Variants in PTPRD observed in about 807,000 individuals in gnomAD.
PTPRD encodes protein tyrosine phosphatase receptor type D.
In PTPRD, 34 loss-of-function variants were observed where a neutral mutation model predicts 214.5. That is an observed-to-expected ratio of 0.16 (90% CI 0.12 to 0.21). The LOEUF (loss-of-function observed/expected upper bound fraction) is 0.21. Among genes scored for constraint, PTPRD ranks in the 10% least tolerant of loss-of-function variants. The pLI, the probability that PTPRD is intolerant of heterozygous loss-of-function variation, is 1.00. For synonymous variants in PTPRD, 1,128 were observed against 845.7 expected, an observed-to-expected ratio of 1.33 and a Z score of -5.79; for missense variants, 2,545 against 2,398.7, an observed-to-expected ratio of 1.06 and a Z score of -1.27.
chr9:9,942,502 T>G (rs902040734), intron 4 of PTPRD, among the ~76,000 whole-genome samples: 2 of 152,154 alleles, frequency 1.3e-5, no homozygotes, highest in Non-Finnish European at 2.9e-5. Flanking sequence ...GTAGAATAGA[T>G]TTCTATAAGT....
chr9:8,427,439 G>T (rs2094755758), intron 35 of PTPRD, among the ~76,000 whole-genome samples: 1 of 152,062 alleles, frequency 6.6e-6, no homozygotes, highest in South Asian at 2.1e-4. Flanking sequence ...GTTAGAAATT[G>T]ATCCAGACAC....
chr9:9,493,907 GC>G lies in PTPRD; in HGVS notation c.-237+80824del, dbSNP rs376072408. Among the ~76,000 whole-genome samples, 1,257 of 151,474 alleles carry G rather than the reference GC, an allele frequency of 8.3e-3. 13 individuals are homozygous for G. The highest frequency in any genetic ancestry group is 0.029 in the African/African-American group (1,188 of 41,258). Reference sequence around the variant, plus strand: ...GGATAAAACCTAAACTGAAAACCTTGCAGAAAAAATTTAGATTTTATTCCAA... The same window carrying G: ...GGATAAAACCTAAACTGAAAACCTTGAGAAAAAATTTAGATTTTATTCCAA... On this transcript the variant is annotated intron_variant, in intron 8 of 45. Coordinates refer to ENST00000381196, the MANE Select transcript of PTPRD (RefSeq NM_002839.4).
At chr9:9,324,453 T>C (rs534314100) in intron 9 of PTPRD, among the ~76,000 whole-genome samples, 1 of 152,326 alleles carries the variant, frequency 6.6e-6, no homozygotes, top group Non-Finnish European at 1.5e-5. Context: ...ATGATGAGCA[T>C]TTTTTCATGT....
intron 39 of PTPRD, among the ~76,000 whole-genome samples, chr9:8,371,835 A>G (rs904998140): frequency 2.0e-5 from 3 of 152,074 alleles, no homozygotes; most frequent in African/African-American, 7.2e-5. Flanking sequence ...CCAGATAAAT[A>G]TCTTTGGCTG....
chr9:9,296,396 T>C (rs774459636), intron 9 of PTPRD, among the ~76,000 whole-genome samples: 10 of 151,902 alleles, frequency 6.6e-5, no homozygotes, highest in Non-Finnish European at 1.2e-4. Flanking sequence ...TCCATCATTA[T>C]TTCTCTTTAC....
At chr9:8,715,818 A>C (rs2098426450) in intron 12 of PTPRD, among the ~76,000 whole-genome samples, 1 of 152,242 alleles carries the variant, frequency 6.6e-6, no homozygotes, top group Admixed American at 6.5e-5. Flanking sequence ...AATTACAACA[A>C]AATAGATAAG....
At chr9:9,642,126 G>A (rs1051857614) in intron 7 of PTPRD, among the ~76,000 whole-genome samples, 1 of 147,794 alleles carries the variant, frequency 6.8e-6, no homozygotes, top group Non-Finnish European at 1.5e-5. Context: ...GGACATGGAT[G>A]AAATTGGAAA....
intron 11 of PTPRD, among the ~76,000 whole-genome samples, chr9:8,826,183 G>A (rs553869117): frequency 6.6e-6 from 1 of 150,874 alleles, no homozygotes; most frequent in South Asian, 2.1e-4. Context: ...TGGAAATCCT[G>A]TAGTCATTGC....
intron 3 of PTPRD, among the ~76,000 whole-genome samples, chr9:10,239,235 T>C (rs1236161846): frequency 2.6e-5 from 4 of 151,972 alleles, no homozygotes; most frequent in African/African-American, 4.8e-5. Context: ...ATTACCTCCA[T>C]AGGAATACTG....
rs1471792074 is a variant in PTPRD at position 9,955,537 on chromosome 9, T to TTGTTTTGTTTTG, written c.-471-16928_-471-16927insCAAAACAAAACA. On this transcript the variant is annotated intron_variant, in intron 4 of 45. Coordinates refer to ENST00000381196, the MANE Select transcript of PTPRD (RefSeq NM_002839.4). ...TTTTGTTTTGTTTTGTTTTTTTTTT[T>TTGTTTTGTTTTG]TTTTGAGACAGAGTCTCGCTCTGTC... is the stretch of plus-strand genomic sequence containing the variant. 6.5e-5 allele frequency among the ~76,000 whole-genome samples: 9 copies of TTGTTTTGTTTTG among 139,098 alleles called. No individual in the cohort carries two copies. In the South Asian group the frequency reaches 2.1e-3, roughly 32 times the overall value. 91.3% of individuals were successfully genotyped at this position (139,098 alleles called of 152,430 possible).
At chr9:9,076,201 A>C (rs1460282555) in intron 10 of PTPRD, among the ~76,000 whole-genome samples, 2 of 151,876 alleles carry the variant, frequency 1.3e-5, no homozygotes, top group Non-Finnish European at 2.9e-5. Context: ...TGGCTGCATA[A>C]ATGTCTTCGA....
chr9:8,934,492 TAA>T (rs1555547280), intron 11 of PTPRD, among the ~76,000 whole-genome samples: 1,744 of 7,844 alleles, frequency 0.22, 143 homozygotes, highest in Non-Finnish European at 0.26. Context: ...TATATATATA[TAA>T]ATATATATAT....
rs2061908017 is a variant in PTPRD, at chr9:9,858,074, C to G, written c.-368+80433G>C. On this transcript the variant is annotated intron_variant, in intron 5 of 45. Coordinates refer to ENST00000381196, the MANE Select transcript of PTPRD (RefSeq NM_002839.4). ...AGAACTTGATACTCTTTTCCTTTAA[C>G]CAGACATTCAGGAACTGTGCTATAT... Among the ~76,000 whole-genome samples the G allele has an allele frequency of 2.0e-5, 3 of 152,144 alleles. No individual in the cohort carries two copies. The South Asian group carries it at 6.2e-4, about 31-fold the overall frequency.
intron 35 of PTPRD, among the ~76,000 whole-genome samples, chr9:8,420,502 A>T (rs2094279263): frequency 6.6e-6 from 1 of 152,184 alleles, no homozygotes; most frequent in Admixed American, 6.5e-5. Context: ...TTTATTCTCC[A>T]GCGAAAATTA....
At chr9:9,065,718 AC>A (rs1479317329) in intron 10 of PTPRD, among the ~76,000 whole-genome samples, 3 of 152,006 alleles carry the variant, frequency 2.0e-5, no homozygotes, top group Non-Finnish European at 4.4e-5. Flanking sequence ...TAGACTACAA[AC>A]TTTCCCTCTC....
intron 9 of PTPRD, among the ~76,000 whole-genome samples, chr9:9,277,742 G>C (rs952830947): frequency 1.4e-4 from 21 of 151,260 alleles, no homozygotes; most frequent in African/African-American, 5.1e-4. Flanking sequence ...AACCTTTGAA[G>C]AATATTCCAG....
intron 9 of PTPRD, among the ~76,000 whole-genome samples, chr9:9,305,126 T>A (rs888665971): frequency 5.3e-5 from 8 of 151,666 alleles, no homozygotes; most frequent in Non-Finnish European, 1.2e-4. Flanking sequence ...TTACCTCCTC[T>A]TTCTGCACAT....
intron 9 of PTPRD, among the ~76,000 whole-genome samples, chr9:9,308,259 T>C (rs1402631689): frequency 2.6e-5 from 4 of 152,212 alleles, no homozygotes; most frequent in Non-Finnish European, 4.4e-5. Context: ...ATATTCATTT[T>C]CAGATCATTC....
intron 3 of PTPRD, among the ~76,000 whole-genome samples, chr9:10,330,795 C>A (rs2096735498): frequency 6.6e-6 from 1 of 151,896 alleles, no homozygotes; most frequent in East Asian, 2.0e-4. Flanking sequence ...CAGAGGGCAG[C>A]AAAAAGCCAT....
Sources: allele counts gnomAD v4.1 joint callset (sites outside exome capture counted in the v4.1 genomes callset), GRCh38; gene constraint gnomAD v4.1.1; transcripts MANE v1.5; gene names NCBI Gene and HGNC (gene_info 2026-07-23, HGNC 2026-07-21).